FGGY: variants seen among roughly 807,000 people sequenced by gnomAD.
The protein encoded by FGGY is FGGY carbohydrate kinase domain-containing protein.
In FGGY, 72 loss-of-function variants were observed where a neutral mutation model predicts 71.3. The ratio of observed to expected loss-of-function variants is 1.01; its 90% CI spans 0.84 to 1.23. The LOEUF (loss-of-function observed/expected upper bound fraction) is 1.23. Ranked by LOEUF, FGGY falls within the 50% of genes most tolerant of loss-of-function variation. The pLI, the probability that FGGY is intolerant of heterozygous loss-of-function variation, is 0.00. For synonymous variants in FGGY, 251 were observed against 250.3 expected (o/e 1.00, Z -0.02); for missense variants, 668 against 682.3 (o/e 0.98, Z 0.23).
intron 1 of FGGY, among the ~76,000 whole-genome samples, chr1:59,321,222 GT>G (rs768483574): frequency 9.2e-4 from 140 of 152,252 alleles, no homozygotes; most frequent in Admixed American, 1.7e-3. Flanking sequence ...CAGATTCTAA[GT>G]TCTCCTACCA....
At chr1:59,614,755 A>T (rs1041176607) in intron 9 of FGGY, among the ~76,000 whole-genome samples, 4 of 152,096 alleles carry the variant, frequency 2.6e-5, no homozygotes, top group Admixed American at 2.6e-4. Flanking sequence ...AAACCCCATC[A>T]TCTCAGCCCA....
intron 6 of FGGY, among the ~76,000 whole-genome samples, chr1:59,511,558 G>A (rs2094519163): frequency 6.6e-6 from 1 of 152,094 alleles, no homozygotes; most frequent in South Asian, 2.1e-4. Flanking sequence ...TCCTAACTAG[G>A]TTGGGGGCAA....
chr1:59,430,852 G>A (rs2067226427), intron 5 of FGGY, among the ~76,000 whole-genome samples: 1 of 151,948 alleles, frequency 6.6e-6, no homozygotes, highest in South Asian at 2.1e-4. Context: ...CAGCCTTAAG[G>A]GCACACTTTT....
At chr1:59,313,446 C>T (rs894745959) in intron 1 of FGGY, among the ~76,000 whole-genome samples, 2 of 152,058 alleles carry the variant, frequency 1.3e-5, no homozygotes, top group African/African-American at 4.8e-5. Context: ...TTAGATATGG[C>T]GAGAATGCCT....
intron 9 of FGGY, among the ~76,000 whole-genome samples, chr1:59,613,256 G>C (rs114044638): frequency 2.0e-5 from 3 of 151,954 alleles, no homozygotes; most frequent in African/African-American, 4.8e-5. Context: ...AAGTAAAGAC[G>C]TCCTCAGCAA....
At chr1:59,562,989 T>C (rs1293971228) in intron 8 of FGGY, among the ~76,000 whole-genome samples, 1 of 152,228 alleles carries the variant, frequency 6.6e-6, no homozygotes, top group East Asian at 1.9e-4. Context: ...ACCTAAGGAA[T>C]TTTAAGGCTG....
intron 9 of FGGY, among the ~76,000 whole-genome samples, chr1:59,616,764 C>A (rs2153830610): frequency 6.6e-6 from 1 of 151,992 alleles, no homozygotes; most frequent in East Asian, 1.9e-4. Flanking sequence ...AATTACAATG[C>A]CTAATATTAT....
rs375193629 is a variant in FGGY, at chr1:59,586,744, A to C, written c.904-21059A>C. Among the ~76,000 whole-genome samples, 283 of 152,310 alleles carry C rather than the reference A, an allele frequency of 1.9e-3. 3 individuals carry two copies. The highest frequency in any genetic ancestry group is 2.7e-3 in the Non-Finnish European group (181 of 68,012). ...AGTGGTAGAGAGGGGGATTTGGGGA[A>C]GAGTAGATAGACAGAATGAGGTGAC... On this transcript the variant is annotated intron_variant, in intron 8 of 15. Transcript: ENST00000303721.
At chr1:59,491,053 T>TCTTTCTTTCCCTCCCTCCCTCCCTC (rs1264370825) in intron 6 of FGGY, among the ~76,000 whole-genome samples, 3 of 2,038 alleles carry the variant, frequency 1.5e-3, no homozygotes, top group Non-Finnish European at 7.2e-4. Flanking sequence ...CTTCCTTCCT[T>TCTTTCTTTCCCTCCCTCCCTCCCTC]CCTTCCTTCC....
At chr1:59,591,430 A>G (rs895312128) in intron 8 of FGGY, among the ~76,000 whole-genome samples, 2 of 152,162 alleles carry the variant, frequency 1.3e-5, no homozygotes, top group Non-Finnish European at 2.9e-5. Flanking sequence ...ACAGAATTGG[A>G]AAAAACTACT....
intron 8 of FGGY, among the ~76,000 whole-genome samples, chr1:59,556,122 A>G (rs1435504080): frequency 2.6e-5 from 4 of 152,228 alleles, no homozygotes; most frequent in Non-Finnish European, 4.4e-5. Flanking sequence ...AGAAGGCACC[A>G]GCCCAGGAGC....
chr1:59,642,397 C>T (rs954478327), intron 11 of FGGY, among the ~76,000 whole-genome samples: 4 of 152,032 alleles, frequency 2.6e-5, no homozygotes, highest in African/African-American at 9.7e-5. Flanking sequence ...GAGGCCGAGC[C>T]AGTTGGATCA....
In FGGY at chr1:59,653,432, C is replaced by T. The variant is rs576312510; in HGVS notation, c.1222-6787C>T. On this transcript the variant is annotated intron_variant, in intron 11 of 15. Coordinates refer to ENST00000303721, the MANE Select transcript of FGGY (RefSeq NM_018291.5). ...TCTGTGGGCGTAGGACCCTCCGAGCCAGGTGTGGGATATAGTCTCGTGGTT... is the reference window on the plus strand; with the variant it reads ...TCTGTGGGCGTAGGACCCTCCGAGCTAGGTGTGGGATATAGTCTCGTGGTT... 4.6e-5 allele frequency among the ~76,000 whole-genome samples: 7 copies of T among 152,056 alleles called. No individual in the cohort carries two copies. The East Asian group carries it at 7.7e-4, about 17-fold the overall frequency.
intron 6 of FGGY, among the ~76,000 whole-genome samples, chr1:59,485,042 A>G (rs1052695625): frequency 6.6e-6 from 1 of 152,212 alleles, no homozygotes; most frequent in African/African-American, 2.4e-5. Flanking sequence ...AGGAGGCAGG[A>G]TTATAGATCT....
rs188438662 is a variant in FGGY, at chr1:59,661,975, T to G, written c.1296+1682T>G. On this transcript the variant is annotated intron_variant, in intron 12 of 15. Coordinates refer to ENST00000303721, the MANE Select transcript of FGGY (RefSeq NM_018291.5). ...ACCTGATGATCCACCCGTCTCGGCC[T>G]CCCAAAGTGCTGGGATTACAGGCAT... Among the ~76,000 whole-genome samples, 514 of 147,178 alleles carry G rather than the reference T, an allele frequency of 3.5e-3. 4 individuals carry two copies. Among genetic ancestry groups the G allele is most frequent in the African/African-American group, 0.012 (492 of 40,294 alleles).
chr1:59,742,044 A>C (rs1358585422), intron 14 of FGGY, among the ~76,000 whole-genome samples: 3 of 152,032 alleles, frequency 2.0e-5, no homozygotes, highest in African/African-American at 4.8e-5. Flanking sequence ...TTCGAGCTGC[A>C]GTGAGCTATG....
chr1:59,448,505 G>A (rs1320659597), intron 5 of FGGY, among the ~76,000 whole-genome samples: 1 of 152,104 alleles, frequency 6.6e-6, no homozygotes, highest in African/African-American at 2.4e-5. Context: ...CACTCCAGGA[G>A]TCTAACTTTT....
At chr1:59,722,591 T>A (rs546693124) in intron 14 of FGGY, among the ~76,000 whole-genome samples, 1 of 152,368 alleles carries the variant, frequency 6.6e-6, no homozygotes, top group East Asian at 1.9e-4. Context: ...TGTTACTCAG[T>A]TGTTCCAGTT....
chr1:59,382,940 T>C (rs965215089), intron 5 of FGGY, among the ~76,000 whole-genome samples: 33 of 152,156 alleles, frequency 2.2e-4, no homozygotes, highest in Non-Finnish European at 4.6e-4. Flanking sequence ...GGAGAGGGCT[T>C]TTTGAAGTTA....
Sources: gnomAD v4.1 joint callset for allele counts (sites outside exome capture counted in the v4.1 genomes callset) on GRCh38, gnomAD v4.1.1 for gene constraint, MANE v1.5 for transcripts, NCBI Gene and HGNC (gene_info 2026-07-23, HGNC 2026-07-21) for gene names.